RABGAP1L: variants seen among roughly 807,000 people sequenced by gnomAD.
RABGAP1L encodes the protein RAB GTPase activating protein 1 like, also known as rab GTPase-activating protein 1-like.
RABGAP1L carries 63 observed loss-of-function variants against 137.7 expected under a neutral mutation model. The observed-to-expected ratio is 0.46, with a 90% CI of 0.37 to 0.56. RABGAP1L has a LOEUF of 0.56. Ranked by LOEUF, RABGAP1L falls within the 20% of genes least tolerant of loss-of-function variation. The pLI, the probability that RABGAP1L is intolerant of heterozygous loss-of-function variation, is 0.00. For synonymous variants in RABGAP1L, 431 were observed against 433.7 expected (o/e 0.99, Z 0.08); for missense variants, 1,095 against 1,244.0 (o/e 0.88, Z 1.80).
rs1672906095 is a variant in RABGAP1L at position 174,253,872 on chromosome 1, G to T, written c.986+1282G>T. 2.6e-5 allele frequency among the ~76,000 whole-genome samples: 4 copies of T among 152,250 alleles called. No homozygotes were observed. The South Asian group carries it at 8.3e-4, about 32-fold the overall frequency. On this transcript the variant is annotated intron_variant, in intron 7 of 25. Transcript: ENST00000681986. ...CAAGGGAAGTTGGTGATGCTCAAGA[G>T]AAATAAAAGCCTCTTCATCAAGACT...
intron 14 of RABGAP1L, among the ~76,000 whole-genome samples, chr1:174,674,483 ATCAT>A (rs1439294189): frequency 1.3e-5 from 2 of 150,438 alleles, no homozygotes; most frequent in African/African-American, 4.9e-5. Context: ...AATCCAGTCT[ATCAT>A]TATTGGACAT....
At chr1:174,697,737 T>A (rs1223755259) in intron 15 of RABGAP1L, among the ~76,000 whole-genome samples, 1 of 152,196 alleles carries the variant, frequency 6.6e-6, no homozygotes, top group Admixed American at 6.5e-5. Flanking sequence ...TATGTTCAAG[T>A]TAGTGTCACT....
At chr1:174,908,286 C>G (rs1659444129) in intron 19 of RABGAP1L, among the ~76,000 whole-genome samples, 1 of 152,158 alleles carries the variant, frequency 6.6e-6, no homozygotes, top group Admixed American at 6.5e-5. Context: ...AAACTACACA[C>G]TAAATCTAAT....
At chr1:174,923,317 C>A (rs369095955) in intron 19 of RABGAP1L, among the ~76,000 whole-genome samples, 4 of 152,098 alleles carry the variant, frequency 2.6e-5, no homozygotes, top group African/African-American at 9.7e-5. Context: ...AAACTGAAAT[C>A]GACCTTAAGA....
chr1:174,576,287 C>T (rs1292476127), intron 13 of RABGAP1L, among the ~76,000 whole-genome samples: 2 of 152,180 alleles, frequency 1.3e-5, no homozygotes, highest in African/African-American at 2.4e-5. Context: ...ATCTTATCCA[C>T]ATGAACAGGC....
At chr1:174,437,406 G>C (rs1653518241) in intron 13 of RABGAP1L, among the ~76,000 whole-genome samples, 1 of 152,156 alleles carries the variant, frequency 6.6e-6, no homozygotes. Context: ...CATGGCACGA[G>C]AGCTATGTGA....
At chr1:174,986,745 TA>T (rs1160441038) in intron 24 of RABGAP1L, among the ~76,000 whole-genome samples, 1 of 152,246 alleles carries the variant, frequency 6.6e-6, no homozygotes, top group Non-Finnish European at 1.5e-5. Context: ...TAAGCCATTT[TA>T]AATTCTTTGA....
intron 19 of RABGAP1L, among the ~76,000 whole-genome samples, chr1:174,844,095 T>C (rs1480094706): frequency 6.6e-6 from 1 of 151,770 alleles, no homozygotes; most frequent in Non-Finnish European, 1.5e-5. Context: ...TGTAAATTTG[T>C]TCGAGTTCAT....
chr1:174,774,531 C>A (rs2148740212), intron 18 of RABGAP1L, among the ~76,000 whole-genome samples: 1 of 151,690 alleles, frequency 6.6e-6, no homozygotes, highest in East Asian at 1.9e-4. Context: ...GAGATCCTGT[C>A]TCAAAAAAAC....
intron 11 of RABGAP1L, among the ~76,000 whole-genome samples, chr1:174,306,564 T>C (rs1208007383): frequency 2.0e-5 from 3 of 152,238 alleles, no homozygotes; most frequent in Non-Finnish European, 4.4e-5. Context: ...AAATATCTTC[T>C]TGAAGTATCT....
chr1:174,539,538 CG>C (rs937871118), intron 13 of RABGAP1L, among the ~76,000 whole-genome samples: 4 of 152,246 alleles, frequency 2.6e-5, no homozygotes, highest in African/African-American at 7.2e-5. Flanking sequence ...TGAGAACATG[CG>C]GTGTTTGGTT....
chr1:174,870,406 T>A (rs1651990586), intron 19 of RABGAP1L, among the ~76,000 whole-genome samples: 1 of 152,214 alleles, frequency 6.6e-6, no homozygotes, highest in African/African-American at 2.4e-5. Flanking sequence ...TAGCTTTTTT[T>A]ATAGTCTGTA....
At chr1:174,858,252 A>G (rs1483054294) in intron 19 of RABGAP1L, among the ~76,000 whole-genome samples, 1 of 152,148 alleles carries the variant, frequency 6.6e-6, no homozygotes, top group Non-Finnish European at 1.5e-5. Flanking sequence ...CCTGGGCTCA[A>G]GTGATCCTCC....
At chr1:174,857,240 A>C (rs945239124) in intron 19 of RABGAP1L, among the ~76,000 whole-genome samples, 2 of 152,164 alleles carry the variant, frequency 1.3e-5, no homozygotes, top group Admixed American at 1.3e-4. Flanking sequence ...TTCTTGTTCT[A>C]TATGAGTCCC....
rs569588610 is a variant in RABGAP1L at position 174,610,928 on chromosome 1, T to G, written c.1711-26447T>G. On this transcript the variant is annotated intron_variant, in intron 13 of 25. Coordinates refer to ENST00000681986, the MANE Select transcript of RABGAP1L (RefSeq NM_001366446.1). ...TTTGTTTTTTTCTTGTAAATTTGTT[T>G]GAGTTCATTGTAGATTCTGGATATT... 6.7e-3 allele frequency among the ~76,000 whole-genome samples: 1,020 copies of G among 152,126 alleles called. 8 individuals carry two copies. The highest frequency in any genetic ancestry group is 0.011 in the Non-Finnish European group (740 of 67,980).
At chr1:174,188,933 G>C (rs895731283) in intron 1 of RABGAP1L, among the ~76,000 whole-genome samples, 1 of 152,190 alleles carries the variant, frequency 6.6e-6, no homozygotes, top group African/African-American at 2.4e-5. Context: ...CCTCTAACGA[G>C]AGTCAGCATG....
At chr1:174,874,430 G>T (rs1252478490) in intron 19 of RABGAP1L, 3 of 983,548 alleles carry the variant, frequency 3.1e-6, no homozygotes, top group Non-Finnish European at 3.6e-6. Context: ...GCTAGTTCCT[G>T]CTTGAACTGA....
chr1:174,885,430 T>C lies in RABGAP1L; in HGVS notation c.2341-72027T>C, dbSNP rs10458363. 2.1e-3 allele frequency among the ~76,000 whole-genome samples: 324 copies of C among 152,318 alleles called. 11 individuals are homozygous for C. In the East Asian group the frequency reaches 0.053, roughly 25 times the overall value. On this transcript the variant is annotated intron_variant, in intron 19 of 25. Transcript: ENST00000681986. ...GAATGAATGAGACAAGGTCTGTCGC[T>C]CACTGCTGCCTCAACCTCCTAGGAT...
intron 19 of RABGAP1L, among the ~76,000 whole-genome samples, chr1:174,936,971 A>ATTTTTTTTTTTT (rs909397955): frequency 1.9e-4 from 19 of 101,524 alleles, no homozygotes; most frequent in African/African-American, 3.1e-4. Context: ...TATAAGATTA[A>ATTTTTTTTTTTT]TTTTTTTTTT....
Sources: allele counts gnomAD v4.1 joint callset (sites outside exome capture counted in the v4.1 genomes callset), GRCh38; gene constraint gnomAD v4.1.1; transcripts MANE v1.5; gene names NCBI Gene and HGNC (gene_info 2026-07-23, HGNC 2026-07-21).